Variants in PLXDC2 observed in about 807,000 individuals in gnomAD.
The protein encoded by PLXDC2 is plexin domain containing 2.
A neutral mutation model predicts 68.9 loss-of-function variants in PLXDC2; 40 were observed. The observed-to-expected ratio is 0.58, with a 90% CI of 0.45 to 0.76. PLXDC2 has a LOEUF of 0.76. Ranked by LOEUF, PLXDC2 falls within the 30% of genes least tolerant of loss-of-function variation. PLXDC2 has a pLI of 0.00. For synonymous variants in PLXDC2, 243 were observed against 234.2 expected, an observed-to-expected ratio of 1.04 and a Z score of -0.34; for missense variants, 644 against 661.9, an observed-to-expected ratio of 0.97 and a Z score of 0.30.
At chr10:20,221,517 G>A (rs1031861492) in intron 12 of PLXDC2, among the ~76,000 whole-genome samples, 1 of 152,170 alleles carries the variant, frequency 6.6e-6, no homozygotes, top group African/African-American at 2.4e-5. Flanking sequence ...ACATTCAAGT[G>A]CAGTTAGAAC....
chr10:20,124,642 G>A (rs745765995), intron 4 of PLXDC2, among the ~76,000 whole-genome samples: 4 of 151,980 alleles, frequency 2.6e-5, no homozygotes, highest in Non-Finnish European at 5.9e-5. Flanking sequence ...AGTCAGCGAA[G>A]GGAGATGGGG....
intron 9 of PLXDC2, among the ~76,000 whole-genome samples, chr10:20,204,247 T>C (rs554025491): frequency 5.3e-4 from 80 of 152,288 alleles, no homozygotes; most frequent in Middle Eastern, 6.8e-3. Context: ...ATAAGTAACA[T>C]TTTAAATTTT....
chr10:20,104,850 A>AAGTCAG (rs1221187237), intron 4 of PLXDC2, among the ~76,000 whole-genome samples: 1 of 152,040 alleles, frequency 6.6e-6, no homozygotes, highest in Non-Finnish European at 1.5e-5. Context: ...CAGGAGATCG[A>AAGTCAG]GACCATCCTG....
At chr10:19,835,991 G>T (rs2131313386) in intron 1 of PLXDC2, among the ~76,000 whole-genome samples, 1 of 152,146 alleles carries the variant, frequency 6.6e-6, no homozygotes, top group African/African-American at 2.4e-5. Flanking sequence ...GGGCAACAAA[G>T]TGAGACCCCA....
rs550099291 is a variant in PLXDC2, at chr10:20,107,076, A to C, written c.542-36219A>C. On this transcript the variant is annotated intron_variant, in intron 4 of 13. Coordinates refer to ENST00000377252, the MANE Select transcript of PLXDC2 (RefSeq NM_032812.9). ...TATATACACTATATGCTATATATAT[A>C]GTATATATATACACTATATATATAC... Among the ~76,000 whole-genome samples, 9 of 148,404 alleles carry C rather than the reference A, an allele frequency of 6.1e-5. No individual in the cohort carries two copies. In the South Asian group the frequency reaches 1.7e-3, roughly 28 times the overall value.
chr10:20,049,339 A>G (rs1023837922), intron 3 of PLXDC2, among the ~76,000 whole-genome samples: 2 of 152,124 alleles, frequency 1.3e-5, no homozygotes, highest in African/African-American at 4.8e-5. Context: ...TATTCAACAT[A>G]GTATTGGAAG....
intron 1 of PLXDC2, among the ~76,000 whole-genome samples, chr10:19,884,798 T>C (rs1432402906): frequency 6.6e-6 from 1 of 152,210 alleles, no homozygotes; most frequent in African/African-American, 2.4e-5. Context: ...TTGTGAATAG[T>C]GCCGCAGTAA....
At chr10:20,059,742 C>T (rs1203765586) in intron 3 of PLXDC2, among the ~76,000 whole-genome samples, 1 of 151,990 alleles carries the variant, frequency 6.6e-6, no homozygotes, top group Non-Finnish European at 1.5e-5. Flanking sequence ...CTATGTCTGT[C>T]AACTCCTCCC....
intron 6 of PLXDC2, among the ~76,000 whole-genome samples, chr10:20,154,043 T>C (rs1269256262): frequency 6.6e-6 from 1 of 151,968 alleles, no homozygotes; most frequent in Non-Finnish European, 1.5e-5. Flanking sequence ...AAAGAACCTG[T>C]ACATAGGCCA....
intron 3 of PLXDC2, 139 bp from the exon 4 acceptor site, chr10:20,068,031 G>A: frequency 7.8e-6 from 5 of 642,782 alleles, no homozygotes; most frequent in Non-Finnish European, 1.3e-5. Flanking sequence ...TACGACCGAG[G>A]ACTCAGGTTT....
chr10:19,849,077 A>C (rs1837066573), intron 1 of PLXDC2, among the ~76,000 whole-genome samples: 1 of 152,074 alleles, frequency 6.6e-6, no homozygotes, highest in African/African-American at 2.4e-5. Flanking sequence ...TTTTTATTTA[A>C]TCATAGGGAT....
chr10:20,082,692 C>T (rs571872838), intron 4 of PLXDC2, among the ~76,000 whole-genome samples: 18 of 152,212 alleles, frequency 1.2e-4, no homozygotes, highest in Admixed American at 7.2e-4. Context: ...GATTTCTACT[C>T]GTAAAAATGT....
intron 6 of PLXDC2, among the ~76,000 whole-genome samples, chr10:20,157,278 A>T (rs938604029): frequency 1.2e-4 from 18 of 152,312 alleles, no homozygotes; most frequent in African/African-American, 4.1e-4. Context: ...ACCATATTGC[A>T]GATTAGCAGG....
chr10:20,233,369 T>TAAAA (rs113521840), intron 12 of PLXDC2, among the ~76,000 whole-genome samples: 127,789 of 149,678 alleles, frequency 0.85, 54,915 homozygotes, highest in Middle Eastern at 0.92. Flanking sequence ...CTACAAAAAT[T>TAAAA]TAAAAAAAGT....
intron 12 of PLXDC2, among the ~76,000 whole-genome samples, chr10:20,229,368 G>C (rs1470275674): frequency 2.6e-5 from 4 of 152,116 alleles, no homozygotes; most frequent in Admixed American, 2.6e-4. Flanking sequence ...GCCAACTGCT[G>C]ATGTGTAAAA....
intron 3 of PLXDC2, among the ~76,000 whole-genome samples, chr10:20,056,632 C>G (rs1211965806): frequency 1.3e-5 from 2 of 152,160 alleles, no homozygotes; most frequent in African/African-American, 4.8e-5. Flanking sequence ...AAGAAATTCA[C>G]ATTGATCCAT....
chr10:20,100,249 A>G (rs1425028103), intron 4 of PLXDC2, among the ~76,000 whole-genome samples: 9 of 152,238 alleles, frequency 5.9e-5, no homozygotes, highest in African/African-American at 1.9e-4. Context: ...AGTGACTGAC[A>G]TAGCAAGAAT....
intron 7 of PLXDC2, among the ~76,000 whole-genome samples, chr10:20,164,929 C>A (rs774468288): frequency 6.6e-6 from 1 of 152,150 alleles, no homozygotes; most frequent in Non-Finnish European, 1.5e-5. Context: ...GATCCTCCTA[C>A]CTCAGTATCC....
At chr10:19,885,277 C>T (rs537036833) in intron 1 of PLXDC2, among the ~76,000 whole-genome samples, 12,282 of 150,348 alleles carry the variant, frequency 0.082, 612 homozygotes, top group Non-Finnish European at 0.12. Flanking sequence ...GAGTAGGTTG[C>T]GAAAATTTTC....
Sources: gnomAD v4.1 joint callset for allele counts (sites outside exome capture counted in the v4.1 genomes callset) on GRCh38, gnomAD v4.1.1 for gene constraint, MANE v1.5 for transcripts, NCBI Gene and HGNC (gene_info 2026-07-23, HGNC 2026-07-21) for gene names.